TBPL1: variants seen among roughly 807,000 people sequenced by gnomAD.
TBPL1 encodes the protein TATA box-binding protein-like 1.
Under a neutral mutation model 22.1 loss-of-function variants are expected in TBPL1, and 4 were observed. That is an observed-to-expected ratio of 0.18 (90% CI 0.09 to 0.41). The LOEUF is 0.41. Ranked by LOEUF, TBPL1 falls within the 10% of genes least tolerant of loss-of-function variation. The probability of loss-of-function intolerance (pLI) is 1.00; values close to 1 mark genes in which losing one functional copy is unlikely to be tolerated. For synonymous variants in TBPL1, 64 were observed against 71.0 expected (o/e 0.90, Z 0.50); for missense variants, 115 against 222.3 (o/e 0.52, Z 3.07).
At chr6:133,980,565 A>G (rs1216651549) in intron 2 of TBPL1, among the ~76,000 whole-genome samples, 1 of 151,990 alleles carries the variant, frequency 6.6e-6, no homozygotes, top group Non-Finnish European at 1.5e-5. Flanking sequence ...CTATTCAAAT[A>G]TGATTATATT....
intron 2 of TBPL1, among the ~76,000 whole-genome samples, chr6:133,982,343 A>G (rs915659369): frequency 1.3e-5 from 2 of 152,206 alleles, no homozygotes; most frequent in South Asian, 2.1e-4. Context: ...AGAGTGAGAG[A>G]TTTCTATACA....
intron 1 of TBPL1, among the ~76,000 whole-genome samples, chr6:133,966,876 ATTC>A (rs1297412201): frequency 6.6e-6 from 1 of 152,054 alleles, no homozygotes; most frequent in African/African-American, 2.4e-5. Context: ...TGTGCTACCC[ATTC>A]TTCTCTTTCA....
chr6:133,954,280 G>C (rs1022893140), intron 1 of TBPL1, among the ~76,000 whole-genome samples: 5 of 152,204 alleles, frequency 3.3e-5, no homozygotes, highest in African/African-American at 1.2e-4. Context: ...TTAGGGTTTA[G>C]AACAGTGCCT....
intron 2 of TBPL1, among the ~76,000 whole-genome samples, chr6:133,981,250 C>T (rs1489593601): frequency 1.3e-5 from 2 of 152,074 alleles, no homozygotes; most frequent in Non-Finnish European, 2.9e-5. Context: ...GGATTATAGG[C>T]GTGAGCCACC....
At chr6:133,967,552 C>T (rs768826610) in intron 1 of TBPL1, among the ~76,000 whole-genome samples, 18 of 152,114 alleles carry the variant, frequency 1.2e-4, no homozygotes, top group Non-Finnish European at 2.1e-4. Context: ...TAAACCCAGA[C>T]GGTAGAATCT....
chr6:133,982,560 C>G lies in TBPL1; in HGVS notation c.136-8C>G. 6.3e-7 allele frequency: 1 copy of G among 1,594,052 alleles called. No individual in the cohort carries two copies. ...CTTATGAGGTAATCAGATTTTTTTT[C>G]CCCCCAGAAAGTATTAATGAAGCTT... On this transcript the variant is annotated splice_polypyrimidine_tract_variant and splice_region_variant and intron_variant, in intron 2 of 6. Coordinates refer to ENST00000237264, the MANE Select transcript of TBPL1 (RefSeq NM_004865.4).
At chr6:133,961,813 A>G (rs1243104907) in intron 1 of TBPL1, among the ~76,000 whole-genome samples, 1 of 152,158 alleles carries the variant, frequency 6.6e-6, no homozygotes, top group African/African-American at 2.4e-5. Flanking sequence ...TCCCTGGATC[A>G]TTGCTCCTGA....
At chr6:133,955,474 C>T (rs1336842381) in intron 1 of TBPL1, among the ~76,000 whole-genome samples, 1 of 151,994 alleles carries the variant, frequency 6.6e-6, no homozygotes, top group Non-Finnish European at 1.5e-5. Flanking sequence ...ATGTGCATTT[C>T]ATTAATGTGA....
At chr6:133,984,355 A>G in intron 4 of TBPL1, 21 bp from the exon 5 acceptor site, 2 of 1,544,218 alleles carry the variant, frequency 1.3e-6, no homozygotes, top group Non-Finnish European at 1.8e-6. Flanking sequence ...AAATTTATTG[A>G]ATTTTACTTC....
At chr6:133,954,085 C>G (rs747473472) in intron 1 of TBPL1, among the ~76,000 whole-genome samples, 1 of 152,118 alleles carries the variant, frequency 6.6e-6, no homozygotes, top group Non-Finnish European at 1.5e-5. Context: ...AAAAGTAAAT[C>G]TAATAGGGCA....
chr6:133,959,240 A>G (rs984810868), intron 1 of TBPL1, among the ~76,000 whole-genome samples: 2 of 152,090 alleles, frequency 1.3e-5, no homozygotes, highest in Admixed American at 6.5e-5. Flanking sequence ...GGGTTTCCCC[A>G]TGTTGGCCAG....
chr6:133,960,358 A>G (rs144258408), intron 1 of TBPL1, among the ~76,000 whole-genome samples: 5 of 150,816 alleles, frequency 3.3e-5, no homozygotes, highest in East Asian at 3.9e-4. Flanking sequence ...TTAAAAAGCT[A>G]TATTGCTAAT....
At position 133,982,552 on chromosome 6, in the gene TBPL1, T is replaced by C. The variant is rs1207625603; in HGVS notation, c.136-16T>C. The C allele has an allele frequency of 4.4e-6, 7 of 1,590,790 alleles. No individual in the cohort carries two copies. The highest frequency in any genetic ancestry group is 6.0e-6 in the Non-Finnish European group (7 of 1,167,372). On this transcript the variant is annotated splice_polypyrimidine_tract_variant and intron_variant, in intron 2 of 6. Coordinates refer to ENST00000237264, the MANE Select transcript of TBPL1 (RefSeq NM_004865.4). ...AAATAATGCTTATGAGGTAATCAGATTTTTTTTCCCCCCAGAAAGTATTAA... is the reference window on the plus strand; with the variant it reads ...AAATAATGCTTATGAGGTAATCAGACTTTTTTTCCCCCCAGAAAGTATTAA...
intron 1 of TBPL1, among the ~76,000 whole-genome samples, chr6:133,966,135 A>G (rs1776114636): frequency 6.6e-6 from 1 of 152,086 alleles, no homozygotes; most frequent in Admixed American, 6.6e-5. Context: ...GTGGGTGTGT[A>G]AGTAAACATT....
intron 4 of TBPL1, among the ~76,000 whole-genome samples, chr6:133,983,960 T>C (rs1776462057): frequency 6.6e-6 from 1 of 152,204 alleles, no homozygotes; most frequent in Non-Finnish European, 1.5e-5. Context: ...AACATCTGAC[T>C]TTTGGAGCCC....
chr6:133,981,989 A>G (rs998587400), intron 2 of TBPL1, among the ~76,000 whole-genome samples: 16 of 152,220 alleles, frequency 1.1e-4, no homozygotes, highest in Admixed American at 9.8e-4. Context: ...GAACTTGAGT[A>G]TGTAATAAGC....
At chr6:133,985,482 CTGTT>C (rs1017996874) in intron 6 of TBPL1, among the ~76,000 whole-genome samples, 27 of 150,112 alleles carry the variant, frequency 1.8e-4, no homozygotes, top group African/African-American at 5.6e-4. Flanking sequence ...TAATTGGTAC[CTGTT>C]TGTTATGTTT....
chr6:133,979,131 G>C (rs1337267839), intron 1 of TBPL1, among the ~76,000 whole-genome samples: 1 of 152,138 alleles, frequency 6.6e-6, no homozygotes, highest in Non-Finnish European at 1.5e-5. Context: ...AAATTACTTG[G>C]TAGAGCTCCT....
chr6:133,974,161 A>G (rs1776272863), intron 1 of TBPL1, among the ~76,000 whole-genome samples: 1 of 152,100 alleles, frequency 6.6e-6, no homozygotes, highest in African/African-American at 2.4e-5. Flanking sequence ...GGCAAACATT[A>G]TGGACCTCTG....
Sources: gnomAD v4.1 joint callset for allele counts (sites outside exome capture counted in the v4.1 genomes callset) on GRCh38, gnomAD v4.1.1 for gene constraint, MANE v1.5 for transcripts, NCBI Gene and HGNC (gene_info 2026-07-23, HGNC 2026-07-21) for gene names.